SHROOM3: variants seen among roughly 807,000 people sequenced by gnomAD.
The protein encoded by SHROOM3 is shroom family member 3, also known as protein Shroom3.
In SHROOM3, 47 loss-of-function variants were observed where a neutral mutation model predicts 138.6. That is an observed-to-expected ratio of 0.34 (90% CI 0.27 to 0.43). The LOEUF (loss-of-function observed/expected upper bound fraction) is 0.43. Among genes scored for constraint, SHROOM3 ranks in the 20% least tolerant of loss-of-function variants. The pLI is 1.00. For synonymous variants in SHROOM3, 1,062 were observed against 1,063.3 expected, an observed-to-expected ratio of 1.00 and a Z score of 0.02; for missense variants, 2,491 against 2,596.5, an observed-to-expected ratio of 0.96 and a Z score of 0.88.
chr4:76,598,208 A>G (rs1734429832), intron 2 of SHROOM3, among the ~76,000 whole-genome samples: 1 of 151,654 alleles, frequency 6.6e-6, no homozygotes, highest in Admixed American at 6.6e-5. Flanking sequence ...TTGTATTTTT[A>G]GTAGAGACGG....
intron 2 of SHROOM3, among the ~76,000 whole-genome samples, chr4:76,651,519 C>T (rs1170231548): frequency 6.8e-6 from 1 of 146,360 alleles, no homozygotes; most frequent in African/African-American, 2.5e-5. Flanking sequence ...TACCACCATC[C>T]AACAATAAGC....
intron 2 of SHROOM3, chr4:76,645,710 C>T (rs1333462697): frequency 1.3e-5 from 2 of 152,068 alleles, no homozygotes; most frequent in Admixed American, 1.3e-4. Flanking sequence ...AAAGCCAATA[C>T]AAAGACATAT....
chr4:76,580,446 CTTTT>C (rs869200924), intron 2 of SHROOM3, among the ~76,000 whole-genome samples: 4,315 of 88,122 alleles, frequency 0.049, 164 homozygotes, highest in African/African-American at 0.15. Context: ...TGGGCAAGTT[CTTTT>C]TTTTTTTTTT....
At chr4:76,535,586 A>C (rs539999941) in intron 1 of SHROOM3, among the ~76,000 whole-genome samples, 26 of 152,334 alleles carry the variant, frequency 1.7e-4, no homozygotes, top group African/African-American at 6.3e-4. Flanking sequence ...CCACTGTAGG[A>C]AGTAGAAACC....
chr4:76,548,324 C>A (rs1278626944), intron 1 of SHROOM3, among the ~76,000 whole-genome samples: 3 of 152,108 alleles, frequency 2.0e-5, no homozygotes, highest in Non-Finnish European at 2.9e-5. Flanking sequence ...GGTTTCTCTT[C>A]TAAGTGTGAT....
At chr4:76,644,062 T>G (rs1560577660) in intron 2 of SHROOM3, among the ~76,000 whole-genome samples, 1 of 152,060 alleles carries the variant, frequency 6.6e-6, no homozygotes, top group Non-Finnish European at 1.5e-5. Flanking sequence ...CAGGCTGGTC[T>G]CAAACTCCTG....
chr4:76,687,173 A>T (rs2110105911), intron 2 of SHROOM3, among the ~76,000 whole-genome samples: 1 of 152,352 alleles, frequency 6.6e-6, no homozygotes, highest in African/African-American at 2.4e-5. Flanking sequence ...AAAAGAAAAA[A>T]TGTACAAATT....
rs141613065 is a variant in SHROOM3 at position 76,741,905 on chromosome 4, C to T, written c.3732C>T (p.Pro1244=). ...TCCATGTGAGGTCCAGGTCATCTCC[C>T]GCCACCGCAGACAAGCGCCAGGTAC... is the stretch of plus-strand genomic sequence containing the variant. ...GPVHVRSRSS[P]ATADKRQDVL... The change falls in exon 5 of 11, where the codon CCC becomes CCT. Residue 1244 remains proline (P), a synonymous_variant. Coordinates refer to ENST00000296043, the MANE Select transcript of SHROOM3 (RefSeq NM_020859.4). This position sits in a 1 kb window ranked among gnomAD's most constrained non-coding sequence, Gnocchi z 6.2. 3.4e-4 allele frequency: 555 copies of T among 1,612,300 alleles called. No homozygotes were observed. The highest frequency in any genetic ancestry group is 4.2e-4 in the Non-Finnish European group (492 of 1,179,986).
intron 2 of SHROOM3, among the ~76,000 whole-genome samples, chr4:76,615,491 G>A (rs1246305499): frequency 6.6e-6 from 1 of 152,166 alleles, no homozygotes; most frequent in East Asian, 1.9e-4. Context: ...ATTTATCATG[G>A]TGTTTACAAA....
intron 1 of SHROOM3, among the ~76,000 whole-genome samples, chr4:76,438,284 C>T (rs1392444449): frequency 6.6e-6 from 1 of 152,116 alleles, no homozygotes; most frequent in African/African-American, 2.4e-5. Context: ...TCTTCATGGT[C>T]CAAGTGACTT....
intron 1 of SHROOM3, among the ~76,000 whole-genome samples, chr4:76,545,583 C>G (rs1253342414): frequency 6.6e-6 from 1 of 152,178 alleles, no homozygotes; most frequent in African/African-American, 2.4e-5. Flanking sequence ...CAAATTTCTT[C>G]CTCTTGGTCT....
intron 1 of SHROOM3, among the ~76,000 whole-genome samples, chr4:76,546,586 G>T (rs1733224339): frequency 6.6e-6 from 1 of 152,202 alleles, no homozygotes; most frequent in African/African-American, 2.4e-5. Context: ...TGGGTTGTGA[G>T]TAATGACAAT....
chr4:76,449,760 G>A (rs916200109), intron 1 of SHROOM3, among the ~76,000 whole-genome samples: 4 of 152,140 alleles, frequency 2.6e-5, no homozygotes, highest in Admixed American at 2.6e-4. Flanking sequence ...ATATGAAATT[G>A]GCAGTTAAAG....
chr4:76,708,403 G>C (rs922187985), intron 2 of SHROOM3, among the ~76,000 whole-genome samples: 2 of 151,538 alleles, frequency 1.3e-5, no homozygotes, highest in Non-Finnish European at 1.5e-5. Context: ...AAAAAAGATG[G>C]AGTCGAAAAC....
intron 3 of SHROOM3, among the ~76,000 whole-genome samples, chr4:76,727,778 C>T (rs1414635744): frequency 2.0e-5 from 3 of 150,982 alleles, no homozygotes; most frequent in Non-Finnish European, 4.4e-5. Flanking sequence ...ATCCCAGCTA[C>T]TTGGGAGGCT....
chr4:76,741,903 C>G lies in SHROOM3; in HGVS notation c.3730C>G (p.Pro1244Ala). The change falls in exon 5 of 11, where the codon CCC (proline) becomes GCC (alanine). Residue 1244 changes from proline to alanine, a missense_variant. Transcript: ENST00000296043. The surrounding 1 kb of genome is among the most constrained non-coding windows in gnomAD (Gnocchi z 6.2). ...TGTCCATGTGAGGTCCAGGTCATCT[C>G]CCGCCACCGCAGACAAGCGCCAGGT... ...GPVHVRSRSS[P>A]ATADKRQDVL... is the part of the protein sequence containing the mutation. 1 of 1,612,406 alleles carries G rather than the reference C, an allele frequency of 6.2e-7. No individual in the cohort carries two copies. The highest frequency in any genetic ancestry group is 8.5e-7 in the Non-Finnish European group (1 of 1,179,964).
intron 9 of SHROOM3, among the ~76,000 whole-genome samples, chr4:76,769,145 A>G (rs1004926523): frequency 6.6e-6 from 1 of 151,336 alleles, no homozygotes; most frequent in Non-Finnish European, 1.5e-5. Context: ...TAAAATGAAC[A>G]TATACTTCCA....
intron 2 of SHROOM3, among the ~76,000 whole-genome samples, chr4:76,647,554 A>C (rs1735851608): frequency 1.3e-5 from 2 of 152,194 alleles, no homozygotes. Context: ...ATTATGTATT[A>C]ATAAAAATAA....
chr4:76,704,648 C>T (rs1440812072), intron 2 of SHROOM3, among the ~76,000 whole-genome samples: 2 of 152,196 alleles, frequency 1.3e-5, no homozygotes, highest in Non-Finnish European at 2.9e-5. Flanking sequence ...GCAGGAGCCA[C>T]GTCACCAGAG....
Sources: allele counts gnomAD v4.1 joint callset (sites outside exome capture counted in the v4.1 genomes callset), GRCh38; gene constraint gnomAD v4.1.1; non-coding constraint Gnocchi (gnomAD v3.1); transcripts MANE v1.5; gene names NCBI Gene and HGNC (gene_info 2026-07-23, HGNC 2026-07-21).